The following LHFPL3 variants were observed in gnomAD, a reference collection of about 807,000 sequenced individuals.
LHFPL3 encodes the protein LHFPL tetraspan subfamily member 3 protein.
LHFPL3 carries 5 observed loss-of-function variants against 19.3 expected under a neutral mutation model. The observed-to-expected ratio is 0.26, with a 90% CI of 0.14 to 0.54. The LOEUF (loss-of-function observed/expected upper bound fraction) is 0.54. Among genes scored for constraint, LHFPL3 ranks in the 20% least tolerant of loss-of-function variants. The probability of loss-of-function intolerance (pLI) is 0.94; values close to 1 mark genes in which losing one functional copy is unlikely to be tolerated. For synonymous variants in LHFPL3, 133 were observed against 126.2 expected, an observed-to-expected ratio of 1.05 and a Z score of -0.36; for missense variants, 249 against 307.4, an observed-to-expected ratio of 0.81 and a Z score of 1.42.
chr7:104,398,900 A>G lies in LHFPL3; in HGVS notation c.445+69676A>G, dbSNP rs565809136. Among the ~76,000 whole-genome samples, 21 of 152,058 alleles carry G rather than the reference A, an allele frequency of 1.4e-4. No individual in the cohort carries two copies. The East Asian group carries it at 3.9e-3, about 28-fold the overall frequency. On this transcript the variant is annotated intron_variant, in intron 1 of 2. Transcript: ENST00000424859. Reference sequence around the variant, plus strand: ...TACGTGTCCCCATATCACAACTCCTATCATGCTGTTTTGCTATGATTTGTT... The same window carrying G: ...TACGTGTCCCCATATCACAACTCCTGTCATGCTGTTTTGCTATGATTTGTT...
At chr7:104,536,959 A>G (rs546990224) in intron 1 of LHFPL3, among the ~76,000 whole-genome samples, 1 of 152,342 alleles carries the variant, frequency 6.6e-6, no homozygotes, top group Admixed American at 6.5e-5. Context: ...CATCAATGTC[A>G]TGGACTATTT....
chr7:104,873,405 T>G (rs756094674), intron 2 of LHFPL3, among the ~76,000 whole-genome samples: 7 of 152,186 alleles, frequency 4.6e-5, no homozygotes, highest in Non-Finnish European at 1.0e-4. Context: ...GAGAATCACT[T>G]GAGCCCAGGA....
chr7:104,350,321 T>C (rs1421290520), intron 1 of LHFPL3, among the ~76,000 whole-genome samples: 1 of 152,212 alleles, frequency 6.6e-6, no homozygotes, highest in Non-Finnish European at 1.5e-5. Context: ...GCAAGTTCTA[T>C]TGGACAGAAC....
chr7:104,644,807 G>T (rs1446508371), intron 1 of LHFPL3, among the ~76,000 whole-genome samples: 1 of 152,094 alleles, frequency 6.6e-6, no homozygotes, highest in Non-Finnish European at 1.5e-5. Context: ...CGGCCCTGCT[G>T]AACGTAAGTA....
chr7:104,510,429 C>T (rs1042096236), intron 1 of LHFPL3, among the ~76,000 whole-genome samples: 2 of 152,018 alleles, frequency 1.3e-5, no homozygotes, highest in Non-Finnish European at 2.9e-5. Flanking sequence ...GACAAGGTTG[C>T]AAAAGTATTT....
At chr7:104,356,248 A>G (rs373944134) in intron 1 of LHFPL3, among the ~76,000 whole-genome samples, 2 of 152,354 alleles carry the variant, frequency 1.3e-5, no homozygotes, top group South Asian at 4.1e-4. Context: ...AGTAGAGTAG[A>G]TAAAAGAACC....
intron 1 of LHFPL3, among the ~76,000 whole-genome samples, chr7:104,685,518 A>G (rs1773276845): frequency 6.6e-6 from 1 of 152,112 alleles, no homozygotes; most frequent in South Asian, 2.1e-4. Flanking sequence ...ACCCTCTTCC[A>G]CGTGGTCTCC....
intron 1 of LHFPL3, among the ~76,000 whole-genome samples, chr7:104,502,571 A>G (rs984934427): frequency 2.4e-4 from 37 of 152,186 alleles, no homozygotes; most frequent in African/African-American, 8.7e-4. Flanking sequence ...CATGAAGATT[A>G]CAGAAGATTG....
chr7:104,565,645 C>G (rs931030562), intron 1 of LHFPL3, among the ~76,000 whole-genome samples: 1 of 151,964 alleles, frequency 6.6e-6, no homozygotes, highest in African/African-American at 2.4e-5. Flanking sequence ...CAAATGCATG[C>G]ACTTCATCTT....
chr7:104,898,079 G>A (rs975585155), intron 2 of LHFPL3, among the ~76,000 whole-genome samples: 3 of 131,094 alleles, frequency 2.3e-5, no homozygotes, highest in African/African-American at 5.9e-5. Flanking sequence ...GCACCATCTC[G>A]GCTCACTGCA....
rs145998253 is a variant in LHFPL3, at chr7:104,422,439, GC to G, written c.445+93218del. On this transcript the variant is annotated intron_variant, in intron 1 of 2. Coordinates refer to ENST00000424859, the MANE Select transcript of LHFPL3 (RefSeq NM_199000.3). ...CAGTCTATGGGGCTTCATTATAACAGCCCAAGACAATTGGCATAGTTCTTCT... is the reference window on the plus strand; with the variant it reads ...CAGTCTATGGGGCTTCATTATAACAGCCAAGACAATTGGCATAGTTCTTCT... 6.5e-3 allele frequency among the ~76,000 whole-genome samples: 985 copies of G among 152,250 alleles called. 78 individuals are homozygous for G. In the East Asian group the frequency reaches 0.16, roughly 25 times the overall value.
chr7:104,568,771 C>T (rs1380515013), intron 1 of LHFPL3, among the ~76,000 whole-genome samples: 1 of 152,214 alleles, frequency 6.6e-6, no homozygotes, highest in Non-Finnish European at 1.5e-5. Flanking sequence ...CAAAAACTCA[C>T]TGGTGGTGCC....
chr7:104,506,969 C>A (rs560587995), intron 1 of LHFPL3, among the ~76,000 whole-genome samples: 1 of 152,032 alleles, frequency 6.6e-6, no homozygotes, highest in Non-Finnish European at 1.5e-5. Context: ...TATTGGAGAC[C>A]ACAGATATGT....
At chr7:104,578,475 G>T (rs1372372288) in intron 1 of LHFPL3, among the ~76,000 whole-genome samples, 1 of 152,112 alleles carries the variant, frequency 6.6e-6, no homozygotes, top group African/African-American at 2.4e-5. Context: ...AGTGTTCTGA[G>T]GATCAAATAA....
chr7:104,403,543 C>T (rs1333755463), intron 1 of LHFPL3, among the ~76,000 whole-genome samples: 2 of 152,208 alleles, frequency 1.3e-5, no homozygotes, highest in Non-Finnish European at 2.9e-5. Flanking sequence ...CTCTTCTCCT[C>T]TTTAATACAT....
chr7:104,594,304 T>A (rs1173021718), intron 1 of LHFPL3, among the ~76,000 whole-genome samples: 1 of 152,190 alleles, frequency 6.6e-6, no homozygotes, highest in Non-Finnish European at 1.5e-5. Context: ...GAAGCTTAGT[T>A]TGGCTGGATA....
chr7:104,513,130 T>C (rs764845548), intron 1 of LHFPL3, among the ~76,000 whole-genome samples: 5 of 152,218 alleles, frequency 3.3e-5, no homozygotes, highest in Non-Finnish European at 5.9e-5. Flanking sequence ...CTGACCTTCA[T>C]CCACTTTTAA....
At chr7:104,704,777 A>G (rs1355116894) in intron 1 of LHFPL3, among the ~76,000 whole-genome samples, 1 of 152,042 alleles carries the variant, frequency 6.6e-6, no homozygotes, top group Non-Finnish European at 1.5e-5. Context: ...CTGGGACCAC[A>G]AGCATGCACC....
intron 2 of LHFPL3, among the ~76,000 whole-genome samples, chr7:104,905,650 T>C (rs1044989244): frequency 6.6e-6 from 1 of 152,214 alleles, no homozygotes; most frequent in Non-Finnish European, 1.5e-5. Context: ...AATGTTTAAA[T>C]GTTTAAAGTA....
Sources: allele counts gnomAD v4.1 joint callset (sites outside exome capture counted in the v4.1 genomes callset), GRCh38; gene constraint gnomAD v4.1.1; transcripts MANE v1.5; gene names NCBI Gene and HGNC (gene_info 2026-07-23, HGNC 2026-07-21).